The following DNAH12 variants were observed in gnomAD, a reference collection of about 807,000 sequenced individuals.
DNAH12 encodes the protein dynein axonemal heavy chain 12.
Under a neutral mutation model 371.5 loss-of-function variants are expected in DNAH12, and 285 were observed. The ratio of observed to expected loss-of-function variants is 0.77; its 90% confidence interval spans 0.70 to 0.85. The LOEUF is 0.85. DNAH12 is among the 40% of genes least tolerant of loss of function. The probability of loss-of-function intolerance (pLI) is 0.00; values close to 1 mark genes in which losing one functional copy is unlikely to be tolerated. For synonymous variants in DNAH12, 1,200 were observed against 1,213.0 expected (o/e 0.99, Z 0.22); for missense variants, 3,611 against 3,689.4 (o/e 0.98, Z 0.55).
Position 57,489,617 on chromosome 3 carries a change from A to C in DNAH12, c.1406T>G (p.Val469Gly). The C allele has an allele frequency of 1.3e-6, 2 of 1,543,250 alleles. No homozygotes were observed. Among genetic ancestry groups the C allele is most frequent in the Non-Finnish European group, 1.7e-6 (2 of 1,144,550 alleles). Residue 469 changes from valine (V) to glycine (G), a missense_variant, in exon 12 of 74, where the codon GTG (valine) becomes GGG (glycine). Transcript: ENST00000495027. ...LLPQWIHYTM[V>G]RLDCEDLKTG... Reference sequence around the variant, plus strand: ...CTTCAAATCTTCACAATCCAAACGCACCATAGTGTAATGAATCCACTGAGG... The same window carrying C: ...CTTCAAATCTTCACAATCCAAACGCCCCATAGTGTAATGAATCCACTGAGG...
At chr3:57,340,827 G>A (rs529188643) in intron 60 of DNAH12, among the ~76,000 whole-genome samples, 14 of 152,112 alleles carry the variant, frequency 9.2e-5, no homozygotes, top group South Asian at 4.1e-4. Context: ...TAACCCTGAC[G>A]CCAAAACCAG....
intron 69 of DNAH12, among the ~76,000 whole-genome samples, chr3:57,302,529 G>GTTCATA (rs879293648): frequency 4.4e-4 from 21 of 47,848 alleles, no homozygotes; most frequent in African/African-American, 1.7e-3. Context: ...GGCATCAGGT[G>GTTCATA]TATATATATA....
At chr3:57,458,394 T>A (rs1398712766) in intron 20 of DNAH12, among the ~76,000 whole-genome samples, 174 bp from the exon 21 acceptor site, 1 of 152,212 alleles carries the variant, frequency 6.6e-6, no homozygotes, top group Non-Finnish European at 1.5e-5. Flanking sequence ...CTATTAAAAT[T>A]CAATAAGTTA....
chr3:57,421,463 T>G, intron 36 of DNAH12, 55 bp downstream of exon 36: 1 of 1,514,536 alleles, frequency 6.6e-7, no homozygotes, highest in Non-Finnish European at 8.9e-7. Context: ...GAGCTTTGTC[T>G]GCTGGCCTAA....
At chr3:57,426,816 G>T (rs2064783850) in intron 34 of DNAH12, among the ~76,000 whole-genome samples, 1 of 138,244 alleles carries the variant, frequency 7.2e-6, no homozygotes, top group African/African-American at 2.7e-5. Context: ...GAGATAAAGA[G>T]AGACTGTCTC....
rs554253734 is a variant in DNAH12, at chr3:57,301,162, C to CT, written c.11394+572dup. 4.0e-3 allele frequency among the ~76,000 whole-genome samples: 588 copies of CT among 148,580 alleles called. 5 individuals carry two copies. Among genetic ancestry groups the CT allele is most frequent in the Non-Finnish European group, 5.5e-3 (370 of 67,536 alleles). On this transcript the variant is annotated intron_variant, in intron 70 of 73. Coordinates refer to ENST00000495027, the MANE Select transcript of DNAH12 (RefSeq NM_001366028.2). ...ATTAGCCACGTATGGTGGCACATGC[C>CT]TGTAGTTCCAGTTATTCAAGAGGAT...
At chr3:57,319,834 C>T (rs768995507) in intron 65 of DNAH12, among the ~76,000 whole-genome samples, 2 of 151,942 alleles carry the variant, frequency 1.3e-5, no homozygotes, top group Non-Finnish European at 2.9e-5. Context: ...ATCCTCCTAC[C>T]TCAGTCTCCC....
chr3:57,350,509 AC>A (rs2062647004), intron 60 of DNAH12, among the ~76,000 whole-genome samples: 1 of 152,122 alleles, frequency 6.6e-6, no homozygotes, highest in South Asian at 2.1e-4. Flanking sequence ...ATTTCCTTAG[AC>A]CACACACACA....
In DNAH12 at chr3:57,359,330, C is replaced by T. The variant is rs977018683; in HGVS notation, c.9361-1982G>A. ...ATCCCAGCACTTTGGGAGGCTGAGG[C>T]GGGTGGATCATCTGAGGTCCGGAGT... On this transcript the variant is annotated intron_variant, in intron 58 of 73. Transcript: ENST00000495027. Among the ~76,000 whole-genome samples the T allele has an allele frequency of 4.0e-5, 6 of 151,584 alleles. No homozygotes were observed. In the East Asian group the frequency reaches 7.8e-4, roughly 20 times the overall value.
At chr3:57,489,826 T>C in intron 11 of DNAH12, 139 bp from the exon 12 acceptor site, 3 of 819,226 alleles carry the variant, frequency 3.7e-6, no homozygotes, top group Non-Finnish European at 5.3e-6. Context: ...TTTTTTCCCT[T>C]GTTGCATACA....
chr3:57,303,761 C>T (rs2061412046), intron 69 of DNAH12, among the ~76,000 whole-genome samples: 1 of 152,114 alleles, frequency 6.6e-6, no homozygotes, highest in Non-Finnish European at 1.5e-5. Context: ...GTCTTTTCAG[C>T]TCAATACCAT....
intron 59 of DNAH12, among the ~76,000 whole-genome samples, chr3:57,356,697 A>T (rs1021706444): frequency 6.6e-6 from 1 of 151,926 alleles, no homozygotes; most frequent in East Asian, 1.9e-4. Flanking sequence ...AGAGGTTTTG[A>T]TTATCTTTCA....
chr3:57,323,629 A>G lies in DNAH12; in HGVS notation c.9979-10T>C. On this transcript the variant is annotated splice_polypyrimidine_tract_variant and intron_variant, in intron 62 of 73. Coordinates refer to ENST00000495027, the MANE Select transcript of DNAH12 (RefSeq NM_001366028.2). ...TTATAGCTGGGGTTATCTGTTGAAGAGAAAAGATATGATCTTTAGAGCAAC... is the reference window on the plus strand; with the variant it reads ...TTATAGCTGGGGTTATCTGTTGAAGGGAAAAGATATGATCTTTAGAGCAAC... 1.3e-6 allele frequency: 2 copies of G among 1,520,744 alleles called. No individual in the cohort carries two copies. Among genetic ancestry groups the G allele is most frequent in the Non-Finnish European group, 1.8e-6 (2 of 1,136,808 alleles). 94.2% of individuals were successfully genotyped at this position (1,520,744 alleles called of 1,614,324 possible). A position where few individuals can be genotyped will look rare whatever the true frequency, so the allele number is the denominator to read the frequency against.
chr3:57,494,967 C>T (rs1438414368), intron 11 of DNAH12, among the ~76,000 whole-genome samples: 3 of 151,654 alleles, frequency 2.0e-5, no homozygotes, highest in Non-Finnish European at 4.4e-5. Context: ...TGTGACAGCA[C>T]CACTACAATC....
chr3:57,415,712 C>T (rs2064352077), intron 37 of DNAH12, 148 bp from the exon 38 acceptor site: 4 of 719,932 alleles, frequency 5.6e-6, no homozygotes, highest in Middle Eastern at 4.2e-4. Context: ...TCATGAAAGA[C>T]AGATAAAAGT....
intron 13 of DNAH12, among the ~76,000 whole-genome samples, chr3:57,474,321 A>G (rs952454522): frequency 1.3e-5 from 2 of 152,136 alleles, no homozygotes; most frequent in African/African-American, 4.8e-5. Flanking sequence ...TTTGAGACAG[A>G]GTTTCACTCT....
intron 43 of DNAH12, among the ~76,000 whole-genome samples, chr3:57,402,899 TATGC>T (rs2063913786): frequency 6.6e-6 from 1 of 152,244 alleles, no homozygotes; most frequent in South Asian, 2.1e-4. Flanking sequence ...TTATTCATTT[TATGC>T]ATGTATCAAA....
chr3:57,377,876 G>A (rs1329825921), intron 52 of DNAH12, among the ~76,000 whole-genome samples: 2 of 152,112 alleles, frequency 1.3e-5, no homozygotes, highest in African/African-American at 4.8e-5. Flanking sequence ...CAAGCCCTTG[G>A]TACAAAGAAT....
intron 4 of DNAH12, among the ~76,000 whole-genome samples, chr3:57,512,035 CA>C (rs1185908286): frequency 6.6e-6 from 1 of 150,816 alleles, no homozygotes; most frequent in Non-Finnish European, 1.5e-5. Flanking sequence ...ATACTAGATA[CA>C]AAAAAGGAAA....
Sources: allele counts gnomAD v4.1 joint callset (sites outside exome capture counted in the v4.1 genomes callset), GRCh38; gene constraint gnomAD v4.1.1; transcripts MANE v1.5; gene names NCBI Gene and HGNC (gene_info 2026-07-23, HGNC 2026-07-21).